Variants in NRG2 observed in about 807,000 individuals in gnomAD.
NRG2 encodes the protein pro-neuregulin-2, membrane-bound isoform.
A neutral mutation model predicts 73.9 loss-of-function variants in NRG2; 27 were observed. The ratio of observed to expected loss-of-function variants is 0.37; its 90% CI spans 0.27 to 0.50. The LOEUF (loss-of-function observed/expected upper bound fraction) is 0.50. NRG2 is among the 20% of genes least tolerant of loss of function. The pLI is 0.96. For synonymous variants in NRG2, 532 were observed against 541.0 expected, an observed-to-expected ratio of 0.98 and a Z score of 0.23; for missense variants, 1,126 against 1,210.1, an observed-to-expected ratio of 0.93 and a Z score of 1.03.
intron 1 of NRG2, among the ~76,000 whole-genome samples, chr5:139,987,203 C>A (rs1757228293): frequency 6.7e-6 from 1 of 148,500 alleles, no homozygotes; most frequent in African/African-American, 2.5e-5. Flanking sequence ...GAAAGCCCAT[C>A]TCTACTAAAA....
Position 140,042,442 on chromosome 5 carries a change from C to G in NRG2, c.628G>C (p.Ala210Pro). The G allele has an allele frequency of 6.2e-7, 1 of 1,611,196 alleles. No individual in the cohort carries two copies. The highest frequency in any genetic ancestry group is 1.7e-5 in the Admixed American group (1 of 59,610). The change falls in exon 1 of 10, where the codon GCC (alanine) becomes CCC (proline). Residue 210 changes from alanine to proline, a missense_variant. This residue lies in a region of NRG2 where 539 missense variants were observed against 703.2 expected (regional missense o/e 0.77). Coordinates refer to ENST00000361474, the MANE Select transcript of NRG2 (RefSeq NM_004883.3). ...CCGTTGGTATCGAGGGGGGCAAAGG[C>G]CGTCTTAAAGACTAAGGGCTGTTCC... The part of the protein sequence containing the change: ...PTEQPLVFKT[A>P]FAPLDTNGKN...
At chr5:139,990,437 C>T (rs1299511114) in intron 1 of NRG2, among the ~76,000 whole-genome samples, 1 of 152,084 alleles carries the variant, frequency 6.6e-6, no homozygotes, top group East Asian at 1.9e-4. Context: ...TCCCAAGTAG[C>T]TGGGACTATA....
intron 1 of NRG2, among the ~76,000 whole-genome samples, chr5:140,034,900 A>T (rs1484836581): frequency 1.3e-5 from 2 of 152,226 alleles, no homozygotes; most frequent in Non-Finnish European, 2.9e-5. Context: ...AAGAATAATT[A>T]ATCAGTCTAG....
intron 1 of NRG2, among the ~76,000 whole-genome samples, chr5:140,005,880 C>T (rs1236793158): frequency 1.3e-5 from 2 of 152,182 alleles, no homozygotes; most frequent in Non-Finnish European, 1.5e-5. Flanking sequence ...TGCACTGGCA[C>T]TAGCAATAGC....
At chr5:139,929,080 A>G (rs1281307089) in intron 1 of NRG2, among the ~76,000 whole-genome samples, 1 of 152,070 alleles carries the variant, frequency 6.6e-6, no homozygotes, top group African/African-American at 2.4e-5. Flanking sequence ...TTATCTTGTC[A>G]CTTCTCTGCT....
intron 1 of NRG2, among the ~76,000 whole-genome samples, chr5:139,942,229 TAAGAGTGA>T (rs1753453662): frequency 6.6e-6 from 1 of 152,206 alleles, no homozygotes; most frequent in South Asian, 2.1e-4. Flanking sequence ...GTTAAGTTCC[TAAGAGTGA>T]ATGGTGTTCA....
intron 1 of NRG2, among the ~76,000 whole-genome samples, chr5:140,035,406 C>T (rs562108785): frequency 7.2e-5 from 11 of 152,334 alleles, no homozygotes; most frequent in Non-Finnish European, 1.3e-4. Flanking sequence ...AGTTAAATTA[C>T]TGTTATATGA....
intron 1 of NRG2, among the ~76,000 whole-genome samples, chr5:139,921,631 T>G (rs1387798113): frequency 6.6e-6 from 1 of 151,780 alleles, no homozygotes; most frequent in Admixed American, 6.6e-5. Flanking sequence ...GACCTAAATA[T>G]AAAATCCAAA....
rs1761065925 is a variant in NRG2, at chr5:139,847,470, C to G, written c.*447G>C. The G allele has an allele frequency of 6.6e-6, 1 of 151,604 alleles. No individual in the cohort carries two copies. The highest frequency in any genetic ancestry group is 1.5e-5 in the Non-Finnish European group (1 of 68,380). 9.4% of individuals were successfully genotyped at this position (151,604 alleles called of 1,614,324 possible). ...TCCGTCCTCAGTTCTTCCTTAGGGC[C>G]AACCCCCCACCGCCCCCCACCCTCG... On this transcript the variant is annotated 3_prime_UTR_variant, in exon 10 of 10. Transcript: ENST00000361474.
intron 1 of NRG2, among the ~76,000 whole-genome samples, chr5:139,978,162 A>G (rs1057118332): frequency 7.9e-5 from 12 of 152,338 alleles, no homozygotes; most frequent in Admixed American, 5.2e-4. Flanking sequence ...CAGGCAACCT[A>G]CAGAATGGGA....
At chr5:140,004,305 C>T (rs931907782) in intron 1 of NRG2, among the ~76,000 whole-genome samples, 3 of 152,204 alleles carry the variant, frequency 2.0e-5, no homozygotes, top group South Asian at 2.1e-4. Context: ...GGAAAACCAC[C>T]GTCAGGCAAA....
chr5:139,882,799 T>C (rs1184799414), intron 2 of NRG2, among the ~76,000 whole-genome samples: 1 of 152,108 alleles, frequency 6.6e-6, no homozygotes, highest in Non-Finnish European at 1.5e-5. Context: ...CAGCATCATA[T>C]GTAGCAGGAC....
chr5:139,999,925 A>G (rs1032221972), intron 1 of NRG2, among the ~76,000 whole-genome samples: 5 of 152,238 alleles, frequency 3.3e-5, no homozygotes, highest in African/African-American at 7.2e-5. Flanking sequence ...GGGGAAAACA[A>G]GCAGGAAGAA....
chr5:139,890,862 G>T (rs747280712), intron 1 of NRG2, among the ~76,000 whole-genome samples: 4 of 152,176 alleles, frequency 2.6e-5, no homozygotes, highest in South Asian at 2.1e-4. Flanking sequence ...TCAATGACTG[G>T]TTACAAACTG....
chr5:139,857,304 TTG>T (rs781236267), intron 5 of NRG2, among the ~76,000 whole-genome samples: 3 of 152,194 alleles, frequency 2.0e-5, no homozygotes, highest in African/African-American at 7.2e-5. Context: ...GACTCAGACT[TTG>T]TATACCGTCT....
At chr5:139,902,892 C>CTA (rs1764979208) in intron 1 of NRG2, among the ~76,000 whole-genome samples, 2 of 152,302 alleles carry the variant, frequency 1.3e-5, no homozygotes, top group Non-Finnish European at 2.9e-5. Context: ...TTGGGAAGAG[C>CTA]TATAAGACAC....
At chr5:139,994,916 TAAG>T (rs1307672849) in intron 1 of NRG2, among the ~76,000 whole-genome samples, 1 of 152,124 alleles carries the variant, frequency 6.6e-6, no homozygotes, top group African/African-American at 2.4e-5. Context: ...ACAAGGGTTT[TAAG>T]AAGATGAGGA....
chr5:139,999,442 T>C (rs1427842946), intron 1 of NRG2, among the ~76,000 whole-genome samples: 1 of 152,214 alleles, frequency 6.6e-6, no homozygotes, highest in East Asian at 1.9e-4. Context: ...AAGTTTTCTC[T>C]GTAATGCACC....
chr5:139,987,367 CAAAAAAA>C (rs34895532), intron 1 of NRG2, among the ~76,000 whole-genome samples: 2 of 33,238 alleles, frequency 6.0e-5, no homozygotes, highest in African/African-American at 1.3e-4. Context: ...GACTCTGTCT[CAAAAAAA>C]AAAAAAAAAA....
Sources: gnomAD v4.1 joint callset for allele counts (sites outside exome capture counted in the v4.1 genomes callset) on GRCh38, gnomAD v4.1.1 for gene constraint, gnomAD v4.1.1 regional missense constraint, MANE v1.5 for transcripts, NCBI Gene and HGNC (gene_info 2026-07-23, HGNC 2026-07-21) for gene names.